The following NCBP3 variants were observed in gnomAD, a reference collection of about 807,000 sequenced individuals.
NCBP3 encodes the protein nuclear cap-binding protein subunit 3.
Under a neutral mutation model 75.7 loss-of-function variants are expected in NCBP3, and 20 were observed. The observed-to-expected ratio is 0.26, with a 90% CI of 0.19 to 0.38. NCBP3 has a LOEUF of 0.38. Among genes scored for constraint, NCBP3 ranks in the 10% least tolerant of loss-of-function variants. The pLI is 1.00. For missense variants in NCBP3, 678 were observed against 796.9 expected, an observed-to-expected ratio of 0.85 and a Z score of 1.80; for synonymous variants, 293 against 290.5, an observed-to-expected ratio of 1.01 and a Z score of -0.09.
Position 3,825,282 on chromosome 17 carries a change from C to A in NCBP3, c.688-232G>T, listed in dbSNP as rs549285049. 1.6e-4 allele frequency among the ~76,000 whole-genome samples: 24 copies of A among 152,286 alleles called. 2 individuals are homozygous for A. The South Asian group carries it at 4.1e-3, about 26-fold the overall frequency. On this transcript the variant is annotated intron_variant, in intron 6 of 12. Transcript: ENST00000389005. ...TTTCACAACACTCATTGCCACCTGA[C>A]ACAGTATGAGATATCTGTGCATCAG... is the stretch of plus-strand genomic sequence containing the variant.
intron 2 of NCBP3, among the ~76,000 whole-genome samples, chr17:3,840,938 G>A (rs1597415635): frequency 1.3e-5 from 2 of 152,246 alleles, no homozygotes; most frequent in South Asian, 2.1e-4. Flanking sequence ...ATAAACCCAG[G>A]TCCAACTGTG....
rs779504421 is a variant in NCBP3 at position 3,818,301 on chromosome 17, CAT to C, written c.1270_1271del (p.Met424ValfsTer3). ...PSPKKSMKMTMYADEVESQLK... is the reference protein window; with the variant it reads ...PSPKKSMKMTXYADEVESQLK... ...ACTGAGATTCCACTTCGTCAGCATA[CAT>C]AGTCATTTTCATGCTTTTCTTTGGT... On this transcript the variant is annotated frameshift_variant, in exon 10 of 13. Coordinates refer to ENST00000389005, the MANE Select transcript of NCBP3 (RefSeq NM_001114118.3). LOFTEE classifies it high-confidence loss of function. The surrounding 1 kb of genome is among the most constrained non-coding windows in gnomAD (Gnocchi z 4.7). 1 of 1,613,300 alleles carries C rather than the reference CAT, an allele frequency of 6.2e-7. No individual in the cohort carries two copies. The highest frequency in any genetic ancestry group is 1.7e-5 in the Admixed American group (1 of 59,890).
At position 3,803,654 on chromosome 17, in the gene NCBP3, G is replaced by C. The variant is rs1341178593; in HGVS notation, c.*9390C>G. 6.6e-6 allele frequency: 1 copy of C among 152,182 alleles called. No homozygotes were observed. Among genetic ancestry groups the C allele is most frequent in the Non-Finnish European group, 1.5e-5 (1 of 68,050 alleles). The allele number at this position is 152,182 out of a possible 1,614,324, so 9.4% of individuals were successfully genotyped here. ...GGGAACGAATGAAAGAGAAAATGTGGCAAAATGTTCTTTGTTGTACCCTTC... is the reference window on the plus strand; with the variant it reads ...GGGAACGAATGAAAGAGAAAATGTGCCAAAATGTTCTTTGTTGTACCCTTC... On this transcript the variant is annotated 3_prime_UTR_variant, in exon 13 of 13. Coordinates refer to ENST00000389005, the MANE Select transcript of NCBP3 (RefSeq NM_001114118.3).
At position 3,812,443 on chromosome 17, in the gene NCBP3, A is replaced by G; in HGVS notation, c.*601T>C. ...CACGTAAGAGGCCCATGCCATGAGC[A>G]ATCCCCGAGGGAAGAACGGAAGCAC... On this transcript the variant is annotated 3_prime_UTR_variant, in exon 13 of 13. Coordinates refer to ENST00000389005, the MANE Select transcript of NCBP3 (RefSeq NM_001114118.3). 1 of 910,304 alleles carries G rather than the reference A, an allele frequency of 1.1e-6. No individual in the cohort carries two copies. Among genetic ancestry groups the G allele is most frequent in the Non-Finnish European group, 1.3e-6 (1 of 760,766 alleles). 56.4% of individuals were successfully genotyped at this position (910,304 alleles called of 1,614,324 possible).
In NCBP3 at chr17:3,808,156, G is replaced by A. The variant is rs887718961; in HGVS notation, c.*4888C>T. 1.3e-5 allele frequency: 2 copies of A among 152,188 alleles called. No individual in the cohort carries two copies. The highest frequency in any genetic ancestry group is 1.9e-4 in the East Asian group (1 of 5,154). The allele number at this position is 152,188 out of a possible 1,614,324, so 9.4% of individuals were successfully genotyped here. A position where few individuals can be genotyped will look rare whatever the true frequency, so the allele number is the denominator to read the frequency against. ...CAAGCTCCCCAAAAGTGATCTTCTC[G>A]CCTAAATGTGGTTCTAACACCCCAA... On this transcript the variant is annotated 3_prime_UTR_variant, in exon 13 of 13. Coordinates refer to ENST00000389005, the MANE Select transcript of NCBP3 (RefSeq NM_001114118.3).
At position 3,808,845 on chromosome 17, in the gene NCBP3, G is replaced by A. The variant is rs752388818; in HGVS notation, c.*4199C>T. ...ACTGGGCTCATGCGATCAGGAGTGT[G>A]GAATTTATTCTCGGGGCAATAGTGA... On this transcript the variant is annotated 3_prime_UTR_variant, in exon 13 of 13. Transcript: ENST00000389005. 1 of 152,152 alleles carries A rather than the reference G, an allele frequency of 6.6e-6. No homozygotes were observed. The highest frequency in any genetic ancestry group is 1.5e-5 in the Non-Finnish European group (1 of 68,048). 9.4% of individuals were successfully genotyped at this position (152,152 alleles called of 1,614,324 possible).
rs1056969815 is a variant in NCBP3, at chr17:3,809,750, A to C, written c.*3294T>G. On this transcript the variant is annotated 3_prime_UTR_variant, in exon 13 of 13. Transcript: ENST00000389005. The stretch of plus-strand genomic sequence containing the variant: ...TAGAAATATATATATATAGCCCTAA[A>C]GTAGAAACAACTCAAATGCCCATTA... The C allele has an allele frequency of 3.9e-5, 6 of 152,224 alleles. No individual in the cohort carries two copies. Among genetic ancestry groups the C allele is most frequent in the Non-Finnish European group, 8.8e-5 (6 of 68,040 alleles). 9.4% of individuals were successfully genotyped at this position (152,224 alleles called of 1,614,324 possible).
chr17:3,813,415 C>T (rs543760862), intron 12 of NCBP3, 136 bp from the exon 13 acceptor site: 50 of 1,118,126 alleles, frequency 4.5e-5, no homozygotes, highest in Non-Finnish European at 5.7e-5. Flanking sequence ...CACAGTGCAG[C>T]CTTGGGCAGG....
At chr17:3,826,061 C>A (rs1456858964) in intron 5 of NCBP3, 26 bp downstream of exon 5, 3 of 1,545,942 alleles carry the variant, frequency 1.9e-6, no homozygotes, top group Non-Finnish European at 1.7e-6. Flanking sequence ...ACTTTCAGAC[C>A]CCAGTTCCCT....
intron 9 of NCBP3, among the ~76,000 whole-genome samples, chr17:3,820,105 T>C (rs1384294155): frequency 6.6e-6 from 1 of 152,144 alleles, no homozygotes; most frequent in African/African-American, 2.4e-5. Context: ...CCATCATGCC[T>C]GGTCTGGCTA....
intron 3 of NCBP3, among the ~76,000 whole-genome samples, chr17:3,834,508 G>A (rs963505005): frequency 2.0e-5 from 3 of 152,210 alleles, no homozygotes; most frequent in Non-Finnish European, 2.9e-5. Context: ...AGGCGCGGTG[G>A]CTCACGCCTG....
intron 6 of NCBP3, 55 bp downstream of exon 6, chr17:3,825,706 TAAAAAG>T: frequency 7.8e-7 from 1 of 1,279,472 alleles, no homozygotes; most frequent in Non-Finnish European, 1.1e-6. Flanking sequence ...AGGCTTAAGT[TAAAAAG>T]ACAGTGAGCA....
intron 1 of NCBP3, among the ~76,000 whole-genome samples, chr17:3,844,582 G>A (rs1306858256): frequency 1.3e-5 from 2 of 152,220 alleles, no homozygotes; most frequent in Admixed American, 1.3e-4. Flanking sequence ...CGGACGCAAT[G>A]GCTCAGGCCT....
chr17:3,837,253 C>T (rs2053989564), intron 3 of NCBP3, among the ~76,000 whole-genome samples: 1 of 151,892 alleles, frequency 6.6e-6, no homozygotes, highest in South Asian at 2.1e-4. Flanking sequence ...AATCCCAGCA[C>T]TTTGGGAGGC....
In NCBP3 at chr17:3,846,028, C is replaced by G. The variant is rs1278759351; in HGVS notation, c.183+13G>C. On this transcript the variant is annotated intron_variant, in intron 1 of 12. Transcript: ENST00000389005. The surrounding 1 kb of genome is among the most constrained non-coding windows in gnomAD (Gnocchi z 4.6). ...CCGCGACCTCTTCCTTACCCCCCGA[C>G]CCCCGCCCGTACCGGGATCAGTTCC... The G allele has an allele frequency of 1.9e-6, 3 of 1,545,404 alleles. No individual in the cohort carries two copies. The highest frequency in any genetic ancestry group is 2.8e-5 in the African/African-American group (2 of 72,054).
rs757150930 is a variant in NCBP3, at chr17:3,814,514, C to CGT, written c.1466-33_1466-32dup. 2.5e-6 allele frequency: 4 copies of CGT among 1,610,458 alleles called. No homozygotes were observed. The East Asian group carries it at 6.7e-5, about 27-fold the overall frequency. On this transcript the variant is annotated intron_variant, in intron 11 of 12. Transcript: ENST00000389005. ...AAAAGAGAAAAAGTGCACCAGTGAC[C>CGT]GTGTGTGTGCTTTATGCTCGGCACC... is the stretch of plus-strand genomic sequence containing the variant.
intron 4 of NCBP3, among the ~76,000 whole-genome samples, chr17:3,826,695 AGAAGGAAGGAAG>A (rs375511950): frequency 2.9e-4 from 43 of 145,976 alleles, no homozygotes; most frequent in Admixed American, 1.2e-3. Context: ...AGACAGAAAG[AGAAGGAAGGAAG>A]GAAGGAAGGA....
Position 3,807,824 on chromosome 17 carries a change from A to G in NCBP3, c.*5220T>C, listed in dbSNP as rs1454149337. The G allele has an allele frequency of 6.6e-6, 1 of 152,100 alleles. No homozygotes were observed. The highest frequency in any genetic ancestry group is 2.4e-5 in the African/African-American group (1 of 41,412). 9.4% of individuals were successfully genotyped at this position (152,100 alleles called of 1,614,324 possible). A position where few individuals can be genotyped will look rare whatever the true frequency, so the allele number is the denominator to read the frequency against. ...CCAGGCATGCTGGCAGGCACAGGGG[A>G]AAGCCCACTCAACAAGCAGACACGG... On this transcript the variant is annotated 3_prime_UTR_variant, in exon 13 of 13. Coordinates refer to ENST00000389005, the MANE Select transcript of NCBP3 (RefSeq NM_001114118.3).
At chr17:3,832,618 G>A (rs975118200) in intron 3 of NCBP3, among the ~76,000 whole-genome samples, 3 of 149,424 alleles carry the variant, frequency 2.0e-5, no homozygotes, top group South Asian at 2.1e-4. Flanking sequence ...GTGACAGAGC[G>A]AGAGGCCATC....
Sources: gnomAD v4.1 joint callset for allele counts (sites outside exome capture counted in the v4.1 genomes callset) on GRCh38, gnomAD v4.1.1 for gene constraint, Gnocchi (gnomAD v3.1) non-coding constraint, MANE v1.5 for transcripts, NCBI Gene and HGNC (gene_info 2026-07-23, HGNC 2026-07-21) for gene names.